MEGF6: variants seen among roughly 807,000 people sequenced by gnomAD.
MEGF6 encodes the protein multiple epidermal growth factor-like domains protein 6.
Under a neutral mutation model 207.1 loss-of-function variants are expected in MEGF6, and 184 were observed. That is an observed-to-expected ratio of 0.89 (90% CI 0.79 to 1.00). MEGF6 has a LOEUF of 1.00. MEGF6 is among the 50% of genes least tolerant of loss of function. MEGF6 has a pLI of 0.00. For synonymous variants in MEGF6, 1,038 were observed against 910.0 expected (o/e 1.14, Z -2.53); for missense variants, 2,282 against 2,202.9 (o/e 1.04, Z -0.72).
chr1:3,513,841 G>A (rs1253723110), intron 7 of MEGF6, among the ~76,000 whole-genome samples: 1 of 146,544 alleles, frequency 6.8e-6, no homozygotes, highest in Non-Finnish European at 1.5e-5. Flanking sequence ...GTCCTCCCTC[G>A]TTGGCCTACC....
At chr1:3,590,719 C>T (rs1159707923) in intron 3 of MEGF6, among the ~76,000 whole-genome samples, 4 of 151,686 alleles carry the variant, frequency 2.6e-5, no homozygotes, top group Admixed American at 1.3e-4. Flanking sequence ...CAGGGGCCTC[C>T]CCTGTCCCTC....
chr1:3,578,970 G>A (rs757200330), intron 4 of MEGF6, among the ~76,000 whole-genome samples: 6 of 152,172 alleles, frequency 3.9e-5, no homozygotes, highest in Admixed American at 1.3e-4. Flanking sequence ...CGATTTCCTC[G>A]AATCGCTTCC....
At chr1:3,597,271 A>C (rs1644083379) in intron 2 of MEGF6, among the ~76,000 whole-genome samples, 1 of 152,146 alleles carries the variant, frequency 6.6e-6, no homozygotes. Context: ...CATGGGTCAC[A>C]TGAGCCCCAG....
intron 4 of MEGF6, among the ~76,000 whole-genome samples, chr1:3,542,986 G>T (rs1410859792): frequency 6.6e-6 from 1 of 152,302 alleles, no homozygotes; most frequent in East Asian, 1.9e-4. Flanking sequence ...GGGCCTGGGA[G>T]GAGGGTGGGC....
chr1:3,623,275 C>T, the MEGF6 span: 4 of 152,382 alleles, frequency 2.6e-5, no homozygotes, highest in African/African-American at 9.6e-5. Context: ...CCAGGTATTT[C>T]TCATCTACAT....
Position 3,490,704 on chromosome 1 carries a change from G to A in MEGF6, c.4565-115C>T, listed in dbSNP as rs1640317221. On this transcript the variant is annotated intron_variant, in intron 36 of 36. Coordinates refer to ENST00000356575, the MANE Select transcript of MEGF6 (RefSeq NM_001409.4). Reference sequence around the variant, plus strand: ...CCCCTCCCTTCAGCAGCTCAGCCCAGCAGGTGGGTGGGGCCCACCCATCCT... The same window carrying A: ...CCCCTCCCTTCAGCAGCTCAGCCCAACAGGTGGGTGGGGCCCACCCATCCT... 3 of 929,650 alleles carry A rather than the reference G, an allele frequency of 3.2e-6. No homozygotes were observed. In the African/African-American group the frequency reaches 5.3e-5, roughly 16 times the overall value. 57.6% of individuals were successfully genotyped at this position (929,650 alleles called of 1,614,324 possible).
In MEGF6 at chr1:3,596,935, C is replaced by T. The variant is rs77745787; in HGVS notation, c.267-1488G>A. Among the ~76,000 whole-genome samples, 756 of 152,282 alleles carry T rather than the reference C, an allele frequency of 5.0e-3. 7 individuals carry two copies. The highest frequency in any genetic ancestry group is 0.018 in the African/African-American group (734 of 41,552). ...ACCATCACAGCCCCATCCCGGGGCT[C>T]GTAAGTCTCAGTTCCTCCTTGTCTG... On this transcript the variant is annotated intron_variant, in intron 2 of 36. Coordinates refer to ENST00000356575, the MANE Select transcript of MEGF6 (RefSeq NM_001409.4).
In MEGF6 at chr1:3,552,439, G is replaced by A. The variant is rs1046323704; in HGVS notation, c.481+27386C>T. On this transcript the variant is annotated intron_variant, in intron 4 of 36. Transcript: ENST00000356575. ...AGACCACGCGTGGCGGCTCACGCCC[G>A]TAATCCCAGCACTCTGGGAGGCCCA... Among the ~76,000 whole-genome samples the A allele has an allele frequency of 1.7e-4, 26 of 152,380 alleles. 1 individual carries two copies. Among genetic ancestry groups the A allele is most frequent in the Admixed American group, 1.2e-3 (19 of 15,306 alleles).
chr1:3,555,640 C>T (rs983568693), intron 4 of MEGF6, among the ~76,000 whole-genome samples: 5 of 152,330 alleles, frequency 3.3e-5, no homozygotes, highest in African/African-American at 1.2e-4. Context: ...GAGCTGAACC[C>T]GTCAGTGAAA....
intron 34 of MEGF6, 96 bp from the exon 35 acceptor site, chr1:3,492,863 G>A: frequency 1.3e-6 from 2 of 1,501,662 alleles, no homozygotes; most frequent in Non-Finnish European, 1.8e-6. Flanking sequence ...CAGAGCCCAG[G>A]TGGAGTGAAG....
rs1640590468 is a variant in MEGF6, at chr1:3,496,073, C to T, written c.3743-55G>A. 7 of 1,464,874 alleles carry T rather than the reference C, an allele frequency of 4.8e-6. No individual in the cohort carries two copies. In the South Asian group the frequency reaches 9.7e-5, roughly 20 times the overall value. The allele number at this position is 1,464,874 out of a possible 1,614,324, so 90.7% of individuals were successfully genotyped here. A position where few individuals can be genotyped will look rare whatever the true frequency, so the allele number is the denominator to read the frequency against. On this transcript the variant is annotated intron_variant, in intron 29 of 36. Coordinates refer to ENST00000356575, the MANE Select transcript of MEGF6 (RefSeq NM_001409.4). ...GGCTTCCCTTCTCTCCCTGCCCGGT[C>T]AACCCCGGAGTGGGGATAGGACAGG...
At chr1:3,501,965 T>TGGAC in intron 17 of MEGF6, 44 bp from the exon 18 acceptor site, 2 of 1,260,572 alleles carry the variant, frequency 1.6e-6, no homozygotes, top group Non-Finnish European at 2.0e-6. Context: ...CCACGTGGAG[T>TGGAC]GGACTGACCA....
chr1:3,592,332 C>T (rs528146705), intron 3 of MEGF6, among the ~76,000 whole-genome samples: 9 of 152,314 alleles, frequency 5.9e-5, no homozygotes, highest in African/African-American at 2.2e-4. Context: ...CTGACCCTGA[C>T]TCACTGCTCC....
chr1:3,580,497 G>A (rs921633000), intron 3 of MEGF6, among the ~76,000 whole-genome samples: 11 of 152,182 alleles, frequency 7.2e-5, no homozygotes, highest in African/African-American at 2.2e-4. Context: ...CAGGGAAAGC[G>A]AGGCCAGGGT....
chr1:3,536,276 A>G (rs1642325508), intron 4 of MEGF6, among the ~76,000 whole-genome samples: 1 of 147,606 alleles, frequency 6.8e-6, no homozygotes, highest in East Asian at 2.1e-4. Flanking sequence ...TCATTGGCTC[A>G]TTCATTTAGT....
chr1:3,506,233 C>T lies in MEGF6; in HGVS notation c.1793G>A (p.Cys598Tyr), dbSNP rs773751755. 4 of 1,608,638 alleles carry T rather than the reference C, an allele frequency of 2.5e-6. No individual in the cohort carries two copies. The highest frequency in any genetic ancestry group is 3.4e-6 in the Non-Finnish European group (4 of 1,178,290). ...GTGCTTGCCATAGTAGCCCTTGGGG[C>T]AGCCTGGGGGCAGCGGGGCTCCATG... is the stretch of plus-strand genomic sequence containing the variant. Reference protein sequence around the residue: ...GVSGTNCEDGCPKGYYGKHCR... With the variant: ...GVSGTNCEDGYPKGYYGKHCR... The change falls in exon 15 of 37, where the codon TGC becomes TAC. Residue 598 changes from cysteine to tyrosine, a missense_variant. Cys to Tyr is a radical substitution (Grantham distance 194). Transcript: ENST00000356575.
At chr1:3,581,304 A>T (rs1250413193) in intron 3 of MEGF6, among the ~76,000 whole-genome samples, 3 of 151,978 alleles carry the variant, frequency 2.0e-5, no homozygotes, top group Non-Finnish European at 2.9e-5. Context: ...TGCCCCAGGC[A>T]TGGCGGCATC....
upstream of MEGF6, among the ~76,000 whole-genome samples, chr1:3,611,889 AG>A (rs1644333714): frequency 6.6e-6 from 1 of 151,874 alleles, no homozygotes; most frequent in African/African-American, 2.4e-5. Context: ...GCCGGGCGCC[AG>A]GGGGCCACAC....
chr1:3,609,375 C>T lies in MEGF6; in HGVS notation c.131+1763G>A, dbSNP rs116159646. Among the ~76,000 whole-genome samples, 1,505 of 152,346 alleles carry T rather than the reference C, an allele frequency of 9.9e-3. 20 individuals carry two copies. Among genetic ancestry groups the T allele is most frequent in the African/African-American group, 0.034 (1,416 of 41,588 alleles). On this transcript the variant is annotated intron_variant, in intron 1 of 36. Coordinates refer to ENST00000356575, the MANE Select transcript of MEGF6 (RefSeq NM_001409.4). Reference sequence around the variant, plus strand: ...TCCGGCCCACTGCGGCCTGGCTGCACGTCCAGGCACGTGCCAGGTGCTTAC... The same window carrying T: ...TCCGGCCCACTGCGGCCTGGCTGCATGTCCAGGCACGTGCCAGGTGCTTAC...
Sources: allele counts gnomAD v4.1 joint callset (sites outside exome capture counted in the v4.1 genomes callset), GRCh38; gene constraint gnomAD v4.1.1; transcripts MANE v1.5; gene names NCBI Gene and HGNC (gene_info 2026-07-23, HGNC 2026-07-21).